CMBL: variants seen among roughly 807,000 people sequenced by gnomAD.
The protein encoded by CMBL is carboxymethylenebutenolidase homolog, also known as carboxymethylenebutenolidase homolog (Pseudomonas).
In CMBL, 17 loss-of-function variants were observed where a neutral mutation model predicts 28.7. The ratio of observed to expected loss-of-function variants is 0.59; its 90% CI spans 0.41 to 0.89. The LOEUF is 0.89. CMBL is among the 40% of genes least tolerant of loss of function. CMBL has a pLI of 0.00. For synonymous variants in CMBL, 106 were observed against 101.6 expected, an observed-to-expected ratio of 1.04 and a Z score of -0.26; for missense variants, 310 against 298.5, an observed-to-expected ratio of 1.04 and a Z score of -0.28.
chr5:10,290,928 G>T, intron 1 of CMBL, 147 bp from the exon 2 acceptor site: 1 of 639,490 alleles, frequency 1.6e-6, no homozygotes, highest in Non-Finnish European at 2.7e-6. Context: ...GTAACTTCTG[G>T]TTCTGGCAAC....
intron 1 of CMBL, among the ~76,000 whole-genome samples, chr5:10,298,605 C>T (rs1381696606): frequency 1.3e-5 from 2 of 152,132 alleles, no homozygotes; most frequent in African/African-American, 4.8e-5. Context: ...AGAATAGCCC[C>T]ATTTGGGCTG....
intron 1 of CMBL, among the ~76,000 whole-genome samples, chr5:10,302,563 C>G (rs1358625994): frequency 6.6e-6 from 1 of 150,444 alleles, no homozygotes; most frequent in African/African-American, 2.4e-5. Flanking sequence ...GCAGGAGAAT[C>G]GCTTGAACCC....
In CMBL at chr5:10,279,544, G is replaced by GT. The variant is rs140959227; in HGVS notation, c.*908dup. ...TCAGCTGGTCCTTGAACAGCTGTAG[G>GT]TTTTTTTTTTTTTTTGAGACAGAGT... On this transcript the variant is annotated 3_prime_UTR_variant, in exon 6 of 6. Transcript: ENST00000296658. 1,161 of 146,014 alleles carry GT rather than the reference G, an allele frequency of 8.0e-3. 9 individuals are homozygous for GT. Among genetic ancestry groups the GT allele is most frequent in the Middle Eastern group, 0.029 (8 of 280 alleles). The allele number at this position is 146,014 out of a possible 1,614,324, so 9.0% of individuals were successfully genotyped here.
At chr5:10,282,440 T>C in intron 4 of CMBL, 152 bp from the exon 5 acceptor site, 1 of 586,176 alleles carries the variant, frequency 1.7e-6, no homozygotes, top group Admixed American at 3.2e-5. Context: ...TTTGCGGACT[T>C]TATTTTCTTT....
intron 4 of CMBL, among the ~76,000 whole-genome samples, chr5:10,283,086 G>A (rs568583708): frequency 2.2e-4 from 17 of 77,156 alleles, no homozygotes; most frequent in East Asian, 1.5e-3. Context: ...GCAAGACTCC[G>A]TCTCAGAAAA....
At chr5:10,283,344 C>T (rs970926176) in intron 4 of CMBL, among the ~76,000 whole-genome samples, 8 of 152,150 alleles carry the variant, frequency 5.3e-5, no homozygotes, top group East Asian at 3.8e-4. Flanking sequence ...ACAAGTCCCA[C>T]GGGTTCTGGC....
At chr5:10,280,682 T>C in intron 5 of CMBL, 50 bp from the exon 6 acceptor site, 10 of 1,487,984 alleles carry the variant, frequency 6.7e-6, no homozygotes, top group African/African-American at 1.4e-5. Context: ...ATACTTTCCA[T>C]TCTCCAAATC....
intron 1 of CMBL, among the ~76,000 whole-genome samples, chr5:10,293,367 G>C (rs1268338989): frequency 6.6e-6 from 1 of 152,160 alleles, no homozygotes; most frequent in African/African-American, 2.4e-5. Flanking sequence ...TCCACTTTCT[G>C]GTTCATATGT....
At chr5:10,282,612 G>A (rs1394824641) in intron 4 of CMBL, among the ~76,000 whole-genome samples, 2 of 151,794 alleles carry the variant, frequency 1.3e-5, no homozygotes, top group Non-Finnish European at 2.9e-5. Flanking sequence ...GCAAAACCCT[G>A]TCTCTACAAA....
In CMBL at chr5:10,288,502, C is replaced by T. The variant is rs776512208; in HGVS notation, c.243G>A (p.Gly81=). 1.9e-6 allele frequency: 3 copies of T among 1,613,870 alleles called. No individual in the cohort carries two copies. Among genetic ancestry groups the T allele is most frequent in the Non-Finnish European group, 2.5e-6 (3 of 1,179,798 alleles). ...CGCCAGAGGGGTCCCAAGGCTCTTG[C>T]CCTACAAAGAAGTCTGGAACAATGG... ...YTTIVPDFFV[G]QEPWDPSGDW... The change falls in exon 3 of 6, where the codon GGG becomes GGA. Residue 81 remains glycine (G), a synonymous_variant. Transcript: ENST00000296658.
chr5:10,306,098 A>G (rs924477144), intron 1 of CMBL, among the ~76,000 whole-genome samples: 1 of 152,220 alleles, frequency 6.6e-6, no homozygotes, highest in Non-Finnish European at 1.5e-5. Flanking sequence ...TCTTTTAACA[A>G]TGTAATCAAA....
chr5:10,281,509 C>G (rs530436459), intron 5 of CMBL, among the ~76,000 whole-genome samples: 1 of 152,166 alleles, frequency 6.6e-6, no homozygotes, highest in South Asian at 2.1e-4. Context: ...TGAGCCACCA[C>G]GCCCAGCTAA....
Position 10,280,830 on chromosome 5 carries a change from G to C in CMBL, c.559-198C>G, listed in dbSNP as rs185063388. 1.2e-4 allele frequency among the ~76,000 whole-genome samples: 18 copies of C among 152,346 alleles called. No homozygotes were observed. In the East Asian group the frequency reaches 3.1e-3, roughly 26 times the overall value. ...ACTCTGTTGCCCAGGTTGGAGTTCA[G>C]TGGCGCCATCTCAGCTCACTGCAAC... On this transcript the variant is annotated intron_variant, in intron 5 of 5. Coordinates refer to ENST00000296658, the MANE Select transcript of CMBL (RefSeq NM_138809.4).
intron 1 of CMBL, among the ~76,000 whole-genome samples, chr5:10,294,326 A>G (rs1205031621): frequency 6.6e-6 from 1 of 152,130 alleles, no homozygotes; most frequent in African/African-American, 2.4e-5. Flanking sequence ...TGTAATCTCA[A>G]TACTTTGGGA....
chr5:10,285,472 A>AT (rs1746582429), intron 4 of CMBL, among the ~76,000 whole-genome samples: 2 of 151,522 alleles, frequency 1.3e-5, no homozygotes, highest in South Asian at 4.2e-4. Context: ...CAGCCTTAAA[A>AT]TTTTTTATAG....
At chr5:10,301,242 T>G (rs1291082417) in intron 1 of CMBL, among the ~76,000 whole-genome samples, 1 of 152,178 alleles carries the variant, frequency 6.6e-6, no homozygotes, top group Non-Finnish European at 1.5e-5. Context: ...TACTGAATAT[T>G]CTTAGTGTTT....
At chr5:10,306,978 T>C (rs972383271) in intron 1 of CMBL, among the ~76,000 whole-genome samples, 1 of 152,184 alleles carries the variant, frequency 6.6e-6, no homozygotes, top group Non-Finnish European at 1.5e-5. Context: ...AGGTGGCATC[T>C]TCCATCAGCA....
rs1746607263 is a variant in CMBL, at chr5:10,286,512, A to T, written c.324-16T>A. 2 of 1,608,506 alleles carry T rather than the reference A, an allele frequency of 1.2e-6. No homozygotes were observed. Among genetic ancestry groups the T allele is most frequent in the East Asian group, 4.5e-5 (2 of 44,738 alleles). The stretch of plus-strand genomic sequence containing the variant: ...ACTGATCTCTCTAGAACAGAAAGAA[A>T]AAATATTCAAGAATCAGGCTTATTT... On this transcript the variant is annotated splice_polypyrimidine_tract_variant and intron_variant, in intron 3 of 5. Coordinates refer to ENST00000296658, the MANE Select transcript of CMBL (RefSeq NM_138809.4).
intron 2 of CMBL, 37 bp downstream of exon 2, chr5:10,290,511 T>C (rs1460417548): frequency 6.4e-7 from 1 of 1,552,814 alleles, no homozygotes; most frequent in African/African-American, 1.4e-5. Flanking sequence ...CTGAAATTTG[T>C]ATGAATTTAA....
Sources: gnomAD v4.1 joint callset for allele counts (sites outside exome capture counted in the v4.1 genomes callset) on GRCh38, gnomAD v4.1.1 for gene constraint, MANE v1.5 for transcripts, NCBI Gene and HGNC (gene_info 2026-07-23, HGNC 2026-07-21) for gene names.